The following MPDZ variants were observed in gnomAD, a reference collection of about 807,000 sequenced individuals.
The protein encoded by MPDZ is multiple PDZ domain crumbs cell polarity complex component, also known as multiple PDZ domain protein.
Under a neutral mutation model 239.1 loss-of-function variants are expected in MPDZ, and 234 were observed. The ratio of observed to expected loss-of-function variants is 0.98; its 90% CI spans 0.88 to 1.09. MPDZ has a LOEUF of 1.09. Ranked by LOEUF, MPDZ falls within the 50% of genes least tolerant of loss-of-function variation. The pLI is 0.00. For missense variants in MPDZ, 3,175 were observed against 2,510.0 expected (o/e 1.26, Z -5.66); for synonymous variants, 1,048 against 881.3 (o/e 1.19, Z -3.35).
intron 1 of MPDZ, among the ~76,000 whole-genome samples, chr9:13,270,013 A>G (rs989282752): frequency 6.6e-6 from 1 of 152,226 alleles, no homozygotes; most frequent in Non-Finnish European, 1.5e-5. Context: ...GTAATTCTAT[A>G]GGATTCATTG....
intron 1 of MPDZ, among the ~76,000 whole-genome samples, chr9:13,272,073 T>C (rs1479540631): frequency 2.0e-5 from 3 of 152,184 alleles, no homozygotes; most frequent in Non-Finnish European, 4.4e-5. Flanking sequence ...TTGTGGGGGA[T>C]AGCTTCAAAA....
intron 22 of MPDZ, chr9:13,165,593 T>G: frequency 1.7e-6 from 1 of 589,116 alleles, no homozygotes; most frequent in East Asian, 2.8e-5. Context: ...TCTTTACTAG[T>G]GTCTATAGCA....
At chr9:13,230,891 C>T (rs761422657) in intron 3 of MPDZ, among the ~76,000 whole-genome samples, 1 of 151,752 alleles carries the variant, frequency 6.6e-6, no homozygotes, top group Non-Finnish European at 1.5e-5. Context: ...GAAACTTAGA[C>T]TTAGATGTAA....
At chr9:13,215,501 G>T (rs1000251456) in intron 10 of MPDZ, among the ~76,000 whole-genome samples, 17 of 150,562 alleles carry the variant, frequency 1.1e-4, no homozygotes, top group South Asian at 2.1e-4. Context: ...CTTCCATGTC[G>T]TGGCGAGTGT....
In MPDZ at chr9:13,107,083, T is replaced by G. The variant is rs1479642170; in HGVS notation, c.6095A>C (p.Lys2032Thr). The stretch of plus-strand genomic sequence containing the variant: ...GACAGCAATGATCTGATCGCCCCTT[T>G]TCAGACGTCCGTCTTCAGAGGCTGC... ...KGAASEDGRL[K>T]RGDQIIAVNG... is the part of the protein sequence containing the mutation. Residue 2032 changes from lysine (K) to threonine (T), a missense_variant, in exon 47 of 47, where the codon AAA becomes ACA. Coordinates refer to ENST00000319217, the MANE Select transcript of MPDZ (RefSeq NM_001378778.1). 1 of 1,582,234 alleles carries G rather than the reference T, an allele frequency of 6.3e-7. No homozygotes were observed. The highest frequency in any genetic ancestry group is 2.3e-5 in the East Asian group (1 of 44,312).
intron 4 of MPDZ, 25 bp downstream of exon 4, chr9:13,224,349 A>C (rs747244502): frequency 6.4e-7 from 1 of 1,567,240 alleles, no homozygotes; most frequent in South Asian, 1.1e-5. Flanking sequence ...GTATTACAAT[A>C]ACTAACAGAA....
At chr9:13,134,116 A>C in intron 31 of MPDZ, 1 of 215,988 alleles carries the variant, frequency 4.6e-6, no homozygotes, top group Non-Finnish European at 8.8e-6. Context: ...TATGAACATT[A>C]CATTCTCTTC....
intron 22 of MPDZ, among the ~76,000 whole-genome samples, chr9:13,163,131 GAAT>G (rs1439186837): frequency 6.6e-6 from 1 of 152,066 alleles, no homozygotes; most frequent in African/African-American, 2.4e-5. Context: ...TAAATCCCTA[GAAT>G]AATGATTGTC....
intron 13 of MPDZ, among the ~76,000 whole-genome samples, chr9:13,194,354 T>A (rs1414311670): frequency 6.6e-6 from 1 of 151,842 alleles, no homozygotes; most frequent in Non-Finnish European, 1.5e-5. Flanking sequence ...CACCATGGAA[T>A]ACTACACAGC....
intron 10 of MPDZ, among the ~76,000 whole-genome samples, chr9:13,208,133 T>C (rs1326956845): frequency 2.6e-5 from 4 of 152,080 alleles, no homozygotes; most frequent in East Asian, 1.9e-4. Flanking sequence ...ACTTAGTAAA[T>C]ATGCGAAAAT....
chr9:13,214,617 T>A (rs1958052535), intron 10 of MPDZ, among the ~76,000 whole-genome samples: 1 of 152,032 alleles, frequency 6.6e-6, no homozygotes, highest in South Asian at 2.1e-4. Flanking sequence ...AGTTTTCTAA[T>A]TGATTAATAT....
At position 13,119,496 on chromosome 9, in the gene MPDZ, T is replaced by C. The variant is rs1159479736; in HGVS notation, c.5379+6A>G. ...ATTACACAGAATTATTTTTTGCATT[T>C]TTTACCTTTAGCAAAGCGGCAACCG... is the stretch of plus-strand genomic sequence containing the variant. On this transcript the variant is annotated splice_donor_region_variant and intron_variant, in intron 39 of 46. Transcript: ENST00000319217. 1.2e-6 allele frequency: 2 copies of C among 1,605,930 alleles called. No individual in the cohort carries two copies. The highest frequency in any genetic ancestry group is 1.7e-6 in the Non-Finnish European group (2 of 1,176,662).
chr9:13,191,761 G>C (rs1397452840), intron 15 of MPDZ, among the ~76,000 whole-genome samples: 1 of 152,148 alleles, frequency 6.6e-6, no homozygotes, highest in African/African-American at 2.4e-5. Flanking sequence ...TGCAAATGGA[G>C]ACGAATATGA....
chr9:13,253,273 T>C (rs1968589114), intron 1 of MPDZ, among the ~76,000 whole-genome samples: 1 of 151,910 alleles, frequency 6.6e-6, no homozygotes, highest in African/African-American at 2.4e-5. Context: ...CTTTTGTATT[T>C]CAATGACTTT....
At position 13,223,727 on chromosome 9, in the gene MPDZ, G is replaced by C; in HGVS notation, c.394-17C>G. The C allele has an allele frequency of 1.9e-6, 3 of 1,570,236 alleles. No homozygotes were observed. Among genetic ancestry groups the C allele is most frequent in the Non-Finnish European group, 2.6e-6 (3 of 1,157,634 alleles). ...ATGGCGACCCTGTTTAGGAAACAAA[G>C]CAAGAAATAAAACTAAAAGCCAGGC... On this transcript the variant is annotated splice_polypyrimidine_tract_variant and intron_variant, in intron 4 of 46. Transcript: ENST00000319217.
At chr9:13,244,274 T>C (rs1280596739) in intron 3 of MPDZ, among the ~76,000 whole-genome samples, 1 of 152,204 alleles carries the variant, frequency 6.6e-6, no homozygotes, top group Non-Finnish European at 1.5e-5. Context: ...GTTTCTATTA[T>C]TAAACTGCTA....
intron 39 of MPDZ, among the ~76,000 whole-genome samples, chr9:13,118,942 A>C (rs1271669239): frequency 6.6e-6 from 1 of 152,176 alleles, no homozygotes; most frequent in Non-Finnish European, 1.5e-5. Flanking sequence ...CTGCTGAGTG[A>C]ATCTGCATTA....
rs1236011884 is a variant in MPDZ, at chr9:13,147,100, C to G, written c.3741+448G>C. Among the ~76,000 whole-genome samples the G allele has an allele frequency of 4.0e-5, 6 of 151,858 alleles. No individual in the cohort carries two copies. The South Asian group carries it at 1.0e-3, about 26-fold the overall frequency. On this transcript the variant is annotated intron_variant, in intron 26 of 46. Coordinates refer to ENST00000319217, the MANE Select transcript of MPDZ (RefSeq NM_001378778.1). The stretch of plus-strand genomic sequence containing the variant: ...TCAGTGGGATACACAAATACATGAA[C>G]GATCATTCACAGATGATTATGGGAT...
chr9:13,193,289 C>G lies in MPDZ; in HGVS notation c.1681G>C (p.Glu561Gln), dbSNP rs1429677898. Residue 561 changes from glutamate (E) to glutamine (Q), a missense_variant, in exon 14 of 47, where the codon GAG (glutamate) becomes CAG (glutamine). By Grantham distance (29) the Glu-to-Gln change is conservative. Transcript: ENST00000319217. The stretch of plus-strand genomic sequence containing the variant: ...AGGCTTATCCCCAATCCACTGTTCT[C>G]ACTAAACTTGCTCACATGGGCCACC... ...IVVAHVSKFS[E>Q]NSGLGISLEA... 6.2e-7 allele frequency: 1 copy of G among 1,608,094 alleles called. No homozygotes were observed. Among genetic ancestry groups the G allele is most frequent in the Admixed American group, 1.7e-5 (1 of 59,684 alleles).
Sources: allele counts gnomAD v4.1 joint callset (sites outside exome capture counted in the v4.1 genomes callset), GRCh38; gene constraint gnomAD v4.1.1; transcripts MANE v1.5; gene names NCBI Gene and HGNC (gene_info 2026-07-23, HGNC 2026-07-21).